RHOBTB2: variants seen among roughly 807,000 people sequenced by gnomAD.
RHOBTB2 encodes the protein Rho related BTB domain containing 2, also known as rho-related BTB domain-containing protein 2.
Under a neutral mutation model 66.5 loss-of-function variants are expected in RHOBTB2, and 39 were observed. The observed-to-expected ratio is 0.59, with a 90% CI of 0.45 to 0.77. The LOEUF is 0.77. Ranked by LOEUF, RHOBTB2 falls within the 30% of genes least tolerant of loss-of-function variation. The pLI, the probability that RHOBTB2 is intolerant of heterozygous loss-of-function variation, is 0.00. For missense variants in RHOBTB2, 755 were observed against 999.1 expected (o/e 0.76, Z 3.29); for synonymous variants, 390 against 395.0 (o/e 0.99, Z 0.15).
upstream of RHOBTB2, among the ~76,000 whole-genome samples, chr8:22,982,755 T>C (rs1358059498): frequency 2.0e-5 from 3 of 152,232 alleles, no homozygotes; most frequent in African/African-American, 7.2e-5. Context: ...CAGGCTGCTA[T>C]AATAAAGTAC....
At chr8:23,000,871 G>A (rs1810755290) in intron 1 of RHOBTB2, among the ~76,000 whole-genome samples, 1 of 152,104 alleles carries the variant, frequency 6.6e-6, no homozygotes, top group Non-Finnish European at 1.5e-5. Context: ...TAGGAGACAA[G>A]CCAGGCTCCC....
chr8:22,996,348 G>A (rs994996151), upstream of RHOBTB2, among the ~76,000 whole-genome samples: 2 of 152,118 alleles, frequency 1.3e-5, no homozygotes, highest in South Asian at 2.1e-4. Context: ...CTACAGCCAC[G>A]CAGCCAGGCA....
rs1365544124 is a variant in RHOBTB2 at position 23,017,288 on chromosome 8, C to T, written c.2003C>T (p.Pro668Leu). 1 of 1,614,188 alleles carries T rather than the reference C, an allele frequency of 6.2e-7. No homozygotes were observed. Among genetic ancestry groups the T allele is most frequent in the Non-Finnish European group, 8.5e-7 (1 of 1,180,032 alleles). The change falls in exon 10 of 10, where the codon CCT (proline) becomes CTT (leucine). Residue 668 changes from proline to leucine, a missense_variant. Physicochemically the swap from Pro to Leu is moderately conservative, Grantham distance 98. Coordinates refer to ENST00000251822, the MANE Select transcript of RHOBTB2 (RefSeq NM_015178.3). This position sits in a 1 kb window ranked among gnomAD's most constrained non-coding sequence, Gnocchi z 5.3. ...QEYFEKHRWP[P>L]VWYLKEEDHY... ...TATTTCGAGAAGCATCGGTGGCCAC[C>T]TGTGTGGTACCTGAAGGAGGAAGAT...
chr8:23,020,106 G>T lies in RHOBTB2; in HGVS notation c.*2637G>T, dbSNP rs976783878. 1.3e-5 allele frequency: 5 copies of T among 370,780 alleles called. No individual in the cohort carries two copies. The highest frequency in any genetic ancestry group is 1.3e-4 in the Admixed American group (4 of 30,814). The allele number at this position is 370,780 out of a possible 1,614,324, so 23.0% of individuals were successfully genotyped here. On this transcript the variant is annotated 3_prime_UTR_variant, in exon 10 of 10. Coordinates refer to ENST00000251822, the MANE Select transcript of RHOBTB2 (RefSeq NM_015178.3). ...TGATTCACAGGAGGAGGGGAGGTTG[G>T]GGGGCGGGAGACAAAAACCACACCT... is the stretch of plus-strand genomic sequence containing the variant.
At chr8:22,954,341 C>T in the RHOBTB2 span, among the ~76,000 whole-genome samples, 4 of 152,108 alleles carry the variant, frequency 2.6e-5, no homozygotes, top group Non-Finnish European at 5.9e-5. Flanking sequence ...GTTTTTGTTT[C>T]TGTTTTTGTT....
At chr8:22,952,427 T>A in the RHOBTB2 span, among the ~76,000 whole-genome samples, 2 of 152,114 alleles carry the variant, frequency 1.3e-5, no homozygotes, top group Non-Finnish European at 2.9e-5. Flanking sequence ...CAGGAGTCTG[T>A]ACTTCTTCCC....
In RHOBTB2 at chr8:23,007,710, C is replaced by A; in HGVS notation, c.1465C>A (p.Arg489=). ...GGCCTTCCACGTCCGCCGGACCAACCGGGTTAAGGAGTGCTTGGCAAAAGG... is the reference window on the plus strand; with the variant it reads ...GGCCTTCCACGTCCGCCGGACCAACAGGGTTAAGGAGTGCTTGGCAAAAGG... The part of the protein sequence containing the change: ...TKAFHVRRTN[R]VKECLAKGTF... Residue 489 remains arginine, a synonymous_variant, in exon 5 of 10, where the codon CGG becomes AGG. Coordinates refer to ENST00000251822, the MANE Select transcript of RHOBTB2 (RefSeq NM_015178.3). The A allele has an allele frequency of 1.2e-6, 2 of 1,614,154 alleles. No homozygotes were observed. Among genetic ancestry groups the A allele is most frequent in the Non-Finnish European group, 1.7e-6 (2 of 1,180,026 alleles).
rs900572783 is a variant in RHOBTB2 at position 23,004,779 on chromosome 8, G to A, written c.192+153G>A. 1.1e-5 allele frequency: 8 copies of A among 727,578 alleles called. No individual in the cohort carries two copies. In the African/African-American group the frequency reaches 1.2e-4, roughly 11 times the overall value. 45.1% of individuals were successfully genotyped at this position (727,578 alleles called of 1,614,324 possible). ...GGCAGCTGAAGAGGAAGGAGCCCCTGGAGAGAGGTTTAAGCCAAGTCTGCC... is the reference window on the plus strand; with the variant it reads ...GGCAGCTGAAGAGGAAGGAGCCCCTAGAGAGAGGTTTAAGCCAAGTCTGCC... On this transcript the variant is annotated intron_variant, in intron 2 of 9. Transcript: ENST00000251822. This position sits in a 1 kb window ranked among gnomAD's most constrained non-coding sequence, Gnocchi z 6.4.
chr8:23,004,787 G>A lies in RHOBTB2; in HGVS notation c.192+161G>A. The A allele has an allele frequency of 1.5e-6, 1 of 686,858 alleles. No individual in the cohort carries two copies. The highest frequency in any genetic ancestry group is 1.8e-5 in the South Asian group (1 of 54,130). The allele number at this position is 686,858 out of a possible 1,614,324, so 42.5% of individuals were successfully genotyped here. On this transcript the variant is annotated intron_variant, in intron 2 of 9. Transcript: ENST00000251822. This position sits in a 1 kb window ranked among gnomAD's most constrained non-coding sequence, Gnocchi z 6.4. ...AAGAGGAAGGAGCCCCTGGAGAGAG[G>A]TTTAAGCCAAGTCTGCCCCAGGGAA...
chr8:22,957,820 CT>C, the RHOBTB2 span, among the ~76,000 whole-genome samples: 1 of 152,268 alleles, frequency 6.6e-6, no homozygotes, highest in Non-Finnish European at 1.5e-5. Flanking sequence ...GATCTGAGTC[CT>C]AAAGACCTTC....
the RHOBTB2 span, among the ~76,000 whole-genome samples, chr8:22,953,124 T>C: frequency 3.9e-5 from 6 of 152,138 alleles, no homozygotes; most frequent in Non-Finnish European, 7.4e-5. Context: ...AGGAACCACA[T>C]GTGCGGCGTG....
At chr8:22,983,670 CT>C (rs1006500090), upstream of RHOBTB2, among the ~76,000 whole-genome samples, 46 of 151,842 alleles carry the variant, frequency 3.0e-4, no homozygotes, top group Middle Eastern at 6.8e-3. Flanking sequence ...AGAGGTATGA[CT>C]TTTTTATCAC....
At chr8:22,991,981 C>G (rs1016205339) in intron 1 of RHOBTB2, 3 of 152,282 alleles carry the variant, frequency 2.0e-5, no homozygotes, top group African/African-American at 7.2e-5. Flanking sequence ...CCTAGTCAGA[C>G]AGCCTAATTG....
upstream of RHOBTB2, among the ~76,000 whole-genome samples, chr8:22,986,840 T>A (rs1247845911): frequency 6.6e-6 from 1 of 152,350 alleles, no homozygotes; most frequent in African/African-American, 2.4e-5. Context: ...CTGCTTCACA[T>A]GTCTCCCGGC....
rs1359899917 is a variant in RHOBTB2, at chr8:23,018,572, CTG to C, written c.*1104_*1105del. 6.6e-6 allele frequency: 1 copy of C among 152,300 alleles called. No homozygotes were observed. Among genetic ancestry groups the C allele is most frequent in the Non-Finnish European group, 1.5e-5 (1 of 68,106 alleles). 9.4% of individuals were successfully genotyped at this position (152,300 alleles called of 1,614,324 possible). A position where few individuals can be genotyped will look rare whatever the true frequency, so the allele number is the denominator to read the frequency against. On this transcript the variant is annotated 3_prime_UTR_variant, in exon 10 of 10. Transcript: ENST00000251822. ...TTCTCTGACTGCGGAGGCCCTGACC[CTG>C]CCAGCTGGCTCCGAGGGCAACACAG...
chr8:22,961,409 A>G, the RHOBTB2 span, among the ~76,000 whole-genome samples: 132 of 152,174 alleles, frequency 8.7e-4, no homozygotes, highest in African/African-American at 2.8e-3. Flanking sequence ...CCTTCTATAA[A>G]TGCTGCCTGC....
chr8:23,015,552 T>C, intron 8 of RHOBTB2, 86 bp from the exon 9 acceptor site: 1 of 921,680 alleles, frequency 1.1e-6, no homozygotes, highest in South Asian at 1.5e-5. Context: ...GCACCAGAGC[T>C]TCAGCTCTGA....
chr8:23,008,605 T>C (rs1811043522), intron 6 of RHOBTB2, among the ~76,000 whole-genome samples: 1 of 152,124 alleles, frequency 6.6e-6, no homozygotes, highest in Non-Finnish European at 1.5e-5. Flanking sequence ...GCAAGATGGC[T>C]GTCATTGATA....
chr8:22,990,738 G>A (rs1049212200), intron 1 of RHOBTB2, among the ~76,000 whole-genome samples: 30 of 152,282 alleles, frequency 2.0e-4, no homozygotes, highest in African/African-American at 7.0e-4. Context: ...ACCCTGAACC[G>A]TGTGTCCAAT....
Sources: allele counts gnomAD v4.1 joint callset (sites outside exome capture counted in the v4.1 genomes callset), GRCh38; gene constraint gnomAD v4.1.1; non-coding constraint Gnocchi (gnomAD v3.1); transcripts MANE v1.5; gene names NCBI Gene and HGNC (gene_info 2026-07-23, HGNC 2026-07-21).